The following MICAL3 variants were observed in gnomAD, a reference collection of about 807,000 sequenced individuals.
The protein encoded by MICAL3 is microtubule associated monooxygenase, calponin and LIM domain containing 3.
MICAL3 carries 62 observed loss-of-function variants against 207.4 expected under a neutral mutation model. The observed-to-expected ratio is 0.30, with a 90% CI of 0.24 to 0.37. The LOEUF (loss-of-function observed/expected upper bound fraction) is 0.37, where lower values mean the gene tolerates loss of function less well. Ranked by LOEUF, MICAL3 falls within the 10% of genes least tolerant of loss-of-function variation. MICAL3 has a pLI of 1.00. For missense variants in MICAL3, 2,368 were observed against 2,635.6 expected (o/e 0.90, Z 2.22); for synonymous variants, 1,077 against 1,069.3 (o/e 1.01, Z -0.14).
rs1602183228 is a variant in MICAL3 at position 17,902,115 on chromosome 22, G to A, written c.590-136C>T. The A allele has an allele frequency of 3.1e-6, 2 of 645,342 alleles. No homozygotes were observed. The highest frequency in any genetic ancestry group is 5.4e-6 in the Non-Finnish European group (2 of 368,406). The allele number at this position is 645,342 out of a possible 1,614,324, so 40.0% of individuals were successfully genotyped here. ...ACTATGTGTAGAAGCAGTGGAGACAGAGGCTGTGCACGGTGGCTCGTGCCT... is the reference window on the plus strand; with the variant it reads ...ACTATGTGTAGAAGCAGTGGAGACAAAGGCTGTGCACGGTGGCTCGTGCCT... On this transcript the variant is annotated intron_variant, in intron 4 of 31. Transcript: ENST00000441493. This position sits in a 1 kb window ranked among gnomAD's most constrained non-coding sequence, Gnocchi z 4.5.
chr22:17,795,721 CG>C (rs2061869142), intron 29 of MICAL3, among the ~76,000 whole-genome samples: 1 of 152,254 alleles, frequency 6.6e-6, no homozygotes, highest in African/African-American at 2.4e-5. Context: ...AGCTGCGCTG[CG>C]GGGCCGCTAC....
intron 1 of MICAL3, among the ~76,000 whole-genome samples, chr22:17,915,336 A>T (rs1052990888): frequency 6.6e-6 from 1 of 152,208 alleles, no homozygotes; most frequent in Non-Finnish European, 1.5e-5. Context: ...CAGACCCAGG[A>T]AGCTGGCTGG....
At chr22:17,957,060 C>T (rs1483718414) in intron 1 of MICAL3, among the ~76,000 whole-genome samples, 1 of 152,294 alleles carries the variant, frequency 6.6e-6, no homozygotes, top group Middle Eastern at 3.4e-3. Context: ...TTTACATTTC[C>T]TCCCTTTGGT....
intron 1 of MICAL3, among the ~76,000 whole-genome samples, chr22:17,998,544 AATAATT>A (rs1165291127): frequency 1.4e-5 from 2 of 138,708 alleles, no homozygotes; most frequent in Non-Finnish European, 3.1e-5. Flanking sequence ...TAATAATAAT[AATAATT>A]ATTATTATTA....
chr22:17,839,927 C>CTTTTTT (rs67852343), intron 20 of MICAL3: 10 of 95,836 alleles, frequency 1.0e-4, no homozygotes, highest in Middle Eastern at 7.9e-3. Flanking sequence ...TTTTAATTAT[C>CTTTTTT]TTTTTTTTTT....
At chr22:17,875,682 TAAAAAAAA>T in intron 16 of MICAL3, 1 of 169,656 alleles carries the variant, frequency 5.9e-6, no homozygotes, top group Non-Finnish European at 1.1e-5. Context: ...CCATGTATAG[TAAAAAAAA>T]AAAAAAAAAA....
intron 29 of MICAL3, among the ~76,000 whole-genome samples, chr22:17,806,025 C>T (rs756226126): frequency 1.3e-5 from 2 of 152,144 alleles, no homozygotes; most frequent in African/African-American, 2.4e-5. Flanking sequence ...CCACCGCGCC[C>T]GGCCCAAATG....
chr22:17,811,119 C>T, intron 27 of MICAL3: 1 of 281,810 alleles, frequency 3.5e-6, no homozygotes, highest in Non-Finnish European at 6.8e-6. Context: ...TGGGGACCGA[C>T]TGTTAGGCAG....
rs185704186 is a variant in MICAL3 at position 17,831,213 on chromosome 22, G to C, written c.3055+641C>G. Among the ~76,000 whole-genome samples, 93 of 152,250 alleles carry C rather than the reference G, an allele frequency of 6.1e-4. 1 individual carries two copies. In the East Asian group the frequency reaches 0.016, roughly 27 times the overall value. On this transcript the variant is annotated intron_variant, in intron 21 of 31. Transcript: ENST00000441493. ...CCCAGACTTCTGCGCTGCTGGAGCA[G>C]AGAAAGAATGGCCTTCTCTCCTGCA...
intron 28 of MICAL3, 52 bp from the exon 29 acceptor site, chr22:17,808,989 A>G: frequency 1.4e-6 from 2 of 1,447,384 alleles, no homozygotes; most frequent in Non-Finnish European, 1.9e-6. Flanking sequence ...CTGCTTCAGG[A>G]GGACACACAA....
chr22:18,012,495 G>T (rs1294143747), intron 1 of MICAL3, among the ~76,000 whole-genome samples: 1 of 152,196 alleles, frequency 6.6e-6, no homozygotes, highest in Non-Finnish European at 1.5e-5. Flanking sequence ...CGGGGGGCCT[G>T]AAGTTCCATC....
chr22:17,992,321 G>T lies in MICAL3; in HGVS notation c.-75+31960C>A, dbSNP rs5992951. ...CATTCCACAAACAGCAGACACAGGG[G>T]GTAGGCAAATTCTAGAAATTCTCAA... On this transcript the variant is annotated intron_variant, in intron 1 of 31. Coordinates refer to ENST00000441493, the MANE Select transcript of MICAL3 (RefSeq NM_015241.3). Among the ~76,000 whole-genome samples, 959 of 152,202 alleles carry T rather than the reference G, an allele frequency of 6.3e-3. 12 individuals are homozygous for T. Among genetic ancestry groups the T allele is most frequent in the African/African-American group, 0.022 (913 of 41,524 alleles).
rs528810225 is a variant in MICAL3, at chr22:17,841,034, C to G, written c.2801+788G>C. ...AAAACTGCTCTGCTCTCCTTATCCCCACATGTTCCCTTCATCATGGCTAAA... is the reference window on the plus strand; with the variant it reads ...AAAACTGCTCTGCTCTCCTTATCCCGACATGTTCCCTTCATCATGGCTAAA... On this transcript the variant is annotated intron_variant, in intron 20 of 31. Coordinates refer to ENST00000441493, the MANE Select transcript of MICAL3 (RefSeq NM_015241.3). This position sits in a 1 kb window ranked among gnomAD's most constrained non-coding sequence, Gnocchi z 4.2. 3 of 152,284 alleles carry G rather than the reference C, an allele frequency of 2.0e-5. No individual in the cohort carries two copies. In the East Asian group the frequency reaches 5.8e-4, roughly 29 times the overall value. The allele number at this position is 152,284 out of a possible 1,614,324, so 9.4% of individuals were successfully genotyped here.
chr22:17,876,757 A>AGGAGGTTAGGGAAGTTAT (rs1928431921), intron 16 of MICAL3: 26 of 66,126 alleles, frequency 3.9e-4, no homozygotes, highest in Admixed American at 1.7e-3. Flanking sequence ...AGGGAGGTTA[A>AGGAGGTTAGGGAAGTTAT]GGAGGTTAGG....
rs900999970 is a variant in MICAL3 at position 17,917,172 on chromosome 22, T to C, written c.-74-10286A>G. Among the ~76,000 whole-genome samples, 3 of 152,306 alleles carry C rather than the reference T, an allele frequency of 2.0e-5. No homozygotes were observed. The East Asian group carries it at 5.8e-4, about 29-fold the overall frequency. ...TTATCTACACAGTATCAATAACCAA[T>C]GGTGCCTTAATATTTATTTCCTCTC... On this transcript the variant is annotated intron_variant, in intron 1 of 31. Coordinates refer to ENST00000441493, the MANE Select transcript of MICAL3 (RefSeq NM_015241.3).
intron 19 of MICAL3, among the ~76,000 whole-genome samples, chr22:17,852,515 C>G (rs1925440422): frequency 6.6e-6 from 1 of 152,178 alleles, no homozygotes. Flanking sequence ...AGCGCACAGC[C>G]CAGGCTCGGG....
chr22:18,010,849 G>T (rs1923673006), intron 1 of MICAL3, among the ~76,000 whole-genome samples: 1 of 152,050 alleles, frequency 6.6e-6, no homozygotes, highest in South Asian at 2.1e-4. Flanking sequence ...TTGCTTATTT[G>T]TACTTTTTCA....
intron 1 of MICAL3, among the ~76,000 whole-genome samples, chr22:17,991,803 G>A (rs1273886132): frequency 6.6e-6 from 1 of 152,094 alleles, no homozygotes; most frequent in African/African-American, 2.4e-5. Flanking sequence ...CCCACAACAC[G>A]TCAGCTTCCA....
chr22:17,901,066 G>A, intron 5 of MICAL3, 69 bp from the exon 6 acceptor site: 1 of 1,485,658 alleles, frequency 6.7e-7, no homozygotes, highest in Non-Finnish European at 9.4e-7. Flanking sequence ...CAGATAAAGT[G>A]GGGGTGCTGA....
Sources: allele counts gnomAD v4.1 joint callset (sites outside exome capture counted in the v4.1 genomes callset), GRCh38; gene constraint gnomAD v4.1.1; non-coding constraint Gnocchi (gnomAD v3.1); transcripts MANE v1.5; gene names NCBI Gene and HGNC (gene_info 2026-07-23, HGNC 2026-07-21).